Variants in THUMPD2 observed in about 807,000 individuals in gnomAD.
THUMPD2 encodes U6 snRNA (guanine-N(2))-methyltransferase THUMPD2.
Under a neutral mutation model 49.4 loss-of-function variants are expected in THUMPD2, and 56 were observed. The ratio of observed to expected loss-of-function variants is 1.13; its 90% CI spans 0.91 to 1.41. The LOEUF is 1.41. Ranked by LOEUF, THUMPD2 falls within the 40% of genes most tolerant of loss-of-function variation. The pLI, the probability that THUMPD2 is intolerant of heterozygous loss-of-function variation, is 0.00. For missense variants in THUMPD2, 709 were observed against 594.5 expected (o/e 1.19, Z -2.00); for synonymous variants, 237 against 205.2 (o/e 1.15, Z -1.32).
upstream of THUMPD2, chr2:39,779,263 C>G (rs1679552598): frequency 1.4e-6 from 2 of 1,433,086 alleles, no homozygotes; most frequent in Non-Finnish European, 1.8e-6. Flanking sequence ...CGCCCTCGCG[C>G]CTTCGGGTCA....
intron 4 of THUMPD2, among the ~76,000 whole-genome samples, chr2:39,767,894 A>G (rs892551262): frequency 9.9e-5 from 15 of 152,184 alleles, no homozygotes; most frequent in Admixed American, 7.9e-4. Context: ...CGTCAACTTT[A>G]TAAGATGGCT....
chr2:39,777,291 A>G (rs1490066328), intron 1 of THUMPD2, among the ~76,000 whole-genome samples: 1 of 152,208 alleles, frequency 6.6e-6, no homozygotes, highest in African/African-American at 2.4e-5. Flanking sequence ...CACTAAAGGA[A>G]TATATAAGAT....
rs1285955907 is a variant in THUMPD2, at chr2:39,755,881, G to C, written c.963+8C>G. ...AAATTGCTTGCTTTACCAAACTTTA[G>C]AACTTACTGGCCATTCTTTAGCAGC... On this transcript the variant is annotated splice_region_variant and intron_variant, in intron 7 of 9. Coordinates refer to ENST00000505747, the MANE Select transcript of THUMPD2 (RefSeq NM_025264.5). 6.2e-7 allele frequency: 1 copy of C among 1,613,388 alleles called. No individual in the cohort carries two copies. The highest frequency in any genetic ancestry group is 2.2e-5 in the East Asian group (1 of 44,808).
At chr2:39,761,025 A>G (rs1676749468) in intron 6 of THUMPD2, among the ~76,000 whole-genome samples, 1 of 152,176 alleles carries the variant, frequency 6.6e-6, no homozygotes, top group Non-Finnish European at 1.5e-5. Context: ...GTCACAGACA[A>G]AAACTTTAAG....
At chr2:39,738,778 G>A (rs959026608) in intron 9 of THUMPD2, among the ~76,000 whole-genome samples, 4 of 151,802 alleles carry the variant, frequency 2.6e-5, no homozygotes, top group African/African-American at 9.7e-5. Flanking sequence ...CCCAGGGACA[G>A]CAATCCTAGC....
chr2:39,768,451 T>C lies in THUMPD2; in HGVS notation c.723A>G (p.Lys241=). The C allele has an allele frequency of 6.2e-7, 1 of 1,613,082 alleles. No homozygotes were observed. Among genetic ancestry groups the C allele is most frequent in the South Asian group, 1.1e-5 (1 of 90,938 alleles). Residue 241 remains lysine (K), a synonymous_variant, in exon 4 of 10, where the codon AAA becomes AAG. Transcript: ENST00000505747. ...GIAIMKHFGW[K]ADLRNPQLEI... is the part of the protein sequence containing the mutation. ...CTAATTGTGGATTCCTCAAGTCTGC[T>C]TTCCATCCAAAGTGTTTCATAATAG...
intron 5 of THUMPD2, among the ~76,000 whole-genome samples, chr2:39,765,845 T>C (rs1677443751): frequency 1.3e-5 from 2 of 152,224 alleles, no homozygotes; most frequent in South Asian, 4.1e-4. Flanking sequence ...TAGATTACCA[T>C]GACCAAATAT....
At position 39,755,879 on chromosome 2, in the gene THUMPD2, T is replaced by G. The variant is rs559579708; in HGVS notation, c.963+10A>C. 1.2e-4 allele frequency: 190 copies of G among 1,613,490 alleles called. No homozygotes were observed. The highest frequency in any genetic ancestry group is 5.2e-4 in the African/African-American group (39 of 75,024). On this transcript the variant is annotated intron_variant, in intron 7 of 9. Transcript: ENST00000505747. Reference sequence around the variant, plus strand: ...ATAAATTGCTTGCTTTACCAAACTTTAGAACTTACTGGCCATTCTTTAGCA... The same window carrying G: ...ATAAATTGCTTGCTTTACCAAACTTGAGAACTTACTGGCCATTCTTTAGCA...
chr2:39,754,480 G>A (rs1176756348), intron 8 of THUMPD2, among the ~76,000 whole-genome samples: 13 of 151,894 alleles, frequency 8.6e-5, no homozygotes, highest in South Asian at 2.1e-4. Flanking sequence ...TTTCTTAAAC[G>A]TATTTTATTC....
At chr2:39,765,539 A>T (rs1390534247) in intron 5 of THUMPD2, among the ~76,000 whole-genome samples, 1 of 152,094 alleles carries the variant, frequency 6.6e-6, no homozygotes, top group African/African-American at 2.4e-5. Context: ...TTATAAATTT[A>T]AAAAAATATA....
chr2:39,764,100 G>C (rs1486385467), intron 5 of THUMPD2, among the ~76,000 whole-genome samples: 1 of 152,034 alleles, frequency 6.6e-6, no homozygotes, highest in Non-Finnish European at 1.5e-5. Flanking sequence ...CTCCTCTTAG[G>C]GACAATCCTT....
chr2:39,769,056 T>G lies in THUMPD2; in HGVS notation c.673-555A>C, dbSNP rs561321815. The G allele has an allele frequency of 6.9e-6, 9 of 1,304,608 alleles. No homozygotes were observed. In the African/African-American group the frequency reaches 1.4e-4, roughly 20 times the overall value. The allele number at this position is 1,304,608 out of a possible 1,614,324, so 80.8% of individuals were successfully genotyped here. On this transcript the variant is annotated intron_variant, in intron 3 of 9. Coordinates refer to ENST00000505747, the MANE Select transcript of THUMPD2 (RefSeq NM_025264.5). ...ACATTGCTGAGACCTCATGTGCATTTGCAGTCTAGGTCCTGGTGACAATCC... is the reference window on the plus strand; with the variant it reads ...ACATTGCTGAGACCTCATGTGCATTGGCAGTCTAGGTCCTGGTGACAATCC...
At chr2:39,769,663 T>C in intron 3 of THUMPD2, 47 bp downstream of exon 3, 2 of 1,466,372 alleles carry the variant, frequency 1.4e-6, no homozygotes. Flanking sequence ...ATTGTGCAAC[T>C]GCATTCCAGC....
At chr2:39,765,368 C>A (rs1314363088) in intron 5 of THUMPD2, among the ~76,000 whole-genome samples, 2 of 152,076 alleles carry the variant, frequency 1.3e-5, no homozygotes, top group East Asian at 3.9e-4. Context: ...CCATGTTGGT[C>A]AGGCTGGTCT....
chr2:39,771,549 A>G lies in THUMPD2; in HGVS notation c.218T>C (p.Leu73Pro), dbSNP rs776733976. The G allele has an allele frequency of 6.2e-7, 1 of 1,607,818 alleles. No homozygotes were observed. Among genetic ancestry groups the G allele is most frequent in the Non-Finnish European group, 8.5e-7 (1 of 1,178,210 alleles). ...KLKSAERLFLLIKKQFPLIIS... is the reference protein window; with the variant it reads ...KLKSAERLFLPIKKQFPLIIS... The stretch of plus-strand genomic sequence containing the variant: ...AATAAGTGGAAACTGCTTTTTAATC[A>G]GCAAAAATAATCTTTCTGCAGATTT... The change falls in exon 2 of 10, where the codon CTG becomes CCG. Residue 73 changes from leucine to proline, a missense_variant. Physicochemically the swap from Leu to Pro is moderately conservative, Grantham distance 98. Coordinates refer to ENST00000505747, the MANE Select transcript of THUMPD2 (RefSeq NM_025264.5).
rs1400591238 is a variant in THUMPD2, at chr2:39,736,735, C to A, written c.1512G>T (p.Ter504TyrextTer52). Residue 504 changes from the stop codon to tyrosine (Y), a stop_lost, in exon 10 of 10, where the codon TAG becomes TAT. Transcript: ENST00000505747. ...KYKKSHSSGL[*>Y] ...AACCCGGCTGATGGCAGCAAGCCTG[C>A]TACAGTCCAGAAGAGTGCGACTTCT... The A allele has an allele frequency of 1.2e-6, 2 of 1,610,698 alleles. No individual in the cohort carries two copies. The highest frequency in any genetic ancestry group is 1.7e-5 in the Admixed American group (1 of 59,858).
At chr2:39,759,998 C>T (rs1572826958) in intron 6 of THUMPD2, among the ~76,000 whole-genome samples, 1 of 152,122 alleles carries the variant, frequency 6.6e-6, no homozygotes, top group East Asian at 1.9e-4. Flanking sequence ...AGCAATAAAC[C>T]TTGTAATGTA....
rs766776369 is a variant in THUMPD2, at chr2:39,755,936, T to C, written c.916A>G (p.Met306Val). 1.9e-6 allele frequency: 3 copies of C among 1,613,794 alleles called. No individual in the cohort carries two copies. The South Asian group carries it at 3.3e-5, about 18-fold the overall frequency. ...IKAGAFVLDP[M>V]CGLGTILLEA... is the part of the protein sequence containing the mutation. The stretch of plus-strand genomic sequence containing the variant: ...AAAAGTATTGTTCCAAGTCCACACA[T>C]TGGATCTAAAACAAATGCACCAGCC... The change falls in exon 7 of 10, where the codon ATG becomes GTG. Residue 306 changes from methionine to valine, a missense_variant. By Grantham distance (21) the Met-to-Val change is conservative. Transcript: ENST00000505747.
intron 1 of THUMPD2, among the ~76,000 whole-genome samples, chr2:39,772,543 G>A (rs760614549): frequency 2.0e-5 from 3 of 152,198 alleles, no homozygotes; most frequent in Non-Finnish European, 2.9e-5. Flanking sequence ...ACAGAAACAG[G>A]TTTTGGAGAC....
Sources: allele counts gnomAD v4.1 joint callset (sites outside exome capture counted in the v4.1 genomes callset), GRCh38; gene constraint gnomAD v4.1.1; transcripts MANE v1.5; gene names NCBI Gene and HGNC (gene_info 2026-07-23, HGNC 2026-07-21).